Variants in KANSL1L observed in about 807,000 individuals in gnomAD.
The protein encoded by KANSL1L is KAT8 regulatory NSL complex subunit 1 like.
KANSL1L carries 25 observed loss-of-function variants against 108.6 expected under a neutral mutation model. The ratio of observed to expected loss-of-function variants is 0.23; its 90% confidence interval spans 0.17 to 0.32. The LOEUF (loss-of-function observed/expected upper bound fraction) is 0.32, where lower values mean the gene tolerates loss of function less well. KANSL1L is among the 10% of genes least tolerant of loss of function. KANSL1L has a pLI of 1.00. For synonymous variants in KANSL1L, 405 were observed against 395.1 expected (o/e 1.03, Z -0.30); for missense variants, 1,137 against 1,125.7 (o/e 1.01, Z -0.14).
At chr2:210,026,013 AT>A (rs1160747154) in intron 12 of KANSL1L, among the ~76,000 whole-genome samples, 1 of 152,224 alleles carries the variant, frequency 6.6e-6, no homozygotes, top group Non-Finnish European at 1.5e-5. Flanking sequence ...GAAGATGTTA[AT>A]ATCAGATAAA....
intron 2 of KANSL1L, among the ~76,000 whole-genome samples, chr2:210,138,390 A>G (rs2095194687): frequency 6.6e-6 from 1 of 152,148 alleles, no homozygotes; most frequent in Non-Finnish European, 1.5e-5. Flanking sequence ...GGACAATGGG[A>G]TCAATCAGAC....
intron 3 of KANSL1L, among the ~76,000 whole-genome samples, chr2:210,123,987 A>G (rs2095044227): frequency 6.6e-6 from 1 of 152,180 alleles, no homozygotes; most frequent in Non-Finnish European, 1.5e-5. Context: ...ATCTAATAAG[A>G]GACAATTAAA....
At chr2:210,038,091 TG>T (rs1482107502) in intron 8 of KANSL1L, among the ~76,000 whole-genome samples, 1 of 152,146 alleles carries the variant, frequency 6.6e-6, no homozygotes, top group Non-Finnish European at 1.5e-5. Context: ...TTTTTAAGGC[TG>T]TATATTCCAC....
intron 5 of KANSL1L, among the ~76,000 whole-genome samples, chr2:210,081,711 T>A (rs1337778350): frequency 6.6e-6 from 1 of 152,160 alleles, no homozygotes; most frequent in Non-Finnish European, 1.5e-5. Context: ...CATACACATA[T>A]GTTGTCAGGT....
intron 3 of KANSL1L, among the ~76,000 whole-genome samples, chr2:210,107,853 C>T (rs1459276215): frequency 6.6e-6 from 1 of 151,956 alleles, no homozygotes; most frequent in Non-Finnish European, 1.5e-5. Context: ...AAAATTTAAG[C>T]AAAGTTTAGA....
At chr2:210,120,279 C>A (rs182967147) in intron 3 of KANSL1L, among the ~76,000 whole-genome samples, 1 of 152,090 alleles carries the variant, frequency 6.6e-6, no homozygotes, top group African/African-American at 2.4e-5. Context: ...GTAGTCCCAG[C>A]GACTCAGGAG....
chr2:210,066,453 T>C (rs1407428573), intron 6 of KANSL1L, among the ~76,000 whole-genome samples: 1 of 152,270 alleles, frequency 6.6e-6, no homozygotes, highest in Non-Finnish European at 1.5e-5. Context: ...ATGTGCAGCA[T>C]GGGGCACATG....
At chr2:210,084,079 G>A (rs1458797438) in intron 5 of KANSL1L, among the ~76,000 whole-genome samples, 1 of 152,036 alleles carries the variant, frequency 6.6e-6, no homozygotes, top group East Asian at 1.9e-4. Flanking sequence ...AAGAAAATGT[G>A]TTGTAGTACA....
Position 210,090,676 on chromosome 2 carries a change from T to G in KANSL1L, c.1550+7410A>C, listed in dbSNP as rs2094685339. ...CTTCCTGAATAGCTGGGACTACAGG[T>G]GTGTACCACCATGCCCAGCTAATTT... On this transcript the variant is annotated intron_variant, in intron 5 of 14. Coordinates refer to ENST00000281772, the MANE Select transcript of KANSL1L (RefSeq NM_152519.4). 2.0e-5 allele frequency among the ~76,000 whole-genome samples: 3 copies of G among 151,960 alleles called. No homozygotes were observed. In the South Asian group the frequency reaches 6.2e-4, roughly 32 times the overall value.
chr2:210,110,619 CAG>C (rs1441653473), intron 3 of KANSL1L, among the ~76,000 whole-genome samples: 1 of 151,864 alleles, frequency 6.6e-6, no homozygotes, highest in Non-Finnish European at 1.5e-5. Flanking sequence ...CCTTGTGGTA[CAG>C]AGAGACAAAT....
chr2:210,093,032 C>T (rs982042868), intron 5 of KANSL1L, among the ~76,000 whole-genome samples: 4 of 152,152 alleles, frequency 2.6e-5, no homozygotes, highest in Admixed American at 6.5e-5. Context: ...TGTACCTTTA[C>T]TGTAATGGCA....
chr2:210,113,181 C>T (rs759288639), intron 3 of KANSL1L, among the ~76,000 whole-genome samples: 4 of 152,038 alleles, frequency 2.6e-5, no homozygotes, highest in Non-Finnish European at 5.9e-5. Context: ...AGAAGGCCTT[C>T]CTGGGGATTT....
At chr2:210,129,990 CA>C (rs11439121) in intron 2 of KANSL1L, among the ~76,000 whole-genome samples, 177 of 135,824 alleles carry the variant, frequency 1.3e-3, no homozygotes, top group African/African-American at 3.3e-3. Context: ...ATGCAGATTG[CA>C]AAAAAAAAAA....
intron 5 of KANSL1L, among the ~76,000 whole-genome samples, chr2:210,083,608 C>G (rs777378969): frequency 3.9e-5 from 6 of 151,922 alleles, no homozygotes; most frequent in Non-Finnish European, 7.4e-5. Context: ...TTGGGTGGAT[C>G]ACGAGGTTAG....
intron 4 of KANSL1L, among the ~76,000 whole-genome samples, chr2:210,099,418 G>T: frequency 6.6e-6 from 1 of 151,972 alleles, no homozygotes; most frequent in East Asian, 1.9e-4. Flanking sequence ...ATAAAATTAG[G>T]CCTAATATTT....
intron 8 of KANSL1L, chr2:210,032,657 C>A (rs1219904296): frequency 6.6e-6 from 1 of 152,198 alleles, no homozygotes; most frequent in Non-Finnish European, 1.5e-5. Context: ...TTTGAAATGT[C>A]CCGCCCATCC....
At chr2:210,079,678 A>ATATATATATATATGTG (rs2094573299) in intron 5 of KANSL1L, 2 of 29,306 alleles carry the variant, frequency 6.8e-5, no homozygotes, top group Admixed American at 7.1e-4. Context: ...ATGTGTGTAT[A>ATATATATATATATGTG]TATATATATA....
intron 1 of KANSL1L, among the ~76,000 whole-genome samples, chr2:210,162,745 C>CCA (rs1355110291): frequency 6.6e-6 from 1 of 151,812 alleles, no homozygotes; most frequent in Non-Finnish European, 1.5e-5. Context: ...AGGAGGAAAT[C>CCA]CAGAAGTGTA....
chr2:210,160,976 A>G (rs1245556178), intron 1 of KANSL1L, among the ~76,000 whole-genome samples: 3 of 151,320 alleles, frequency 2.0e-5, no homozygotes, highest in African/African-American at 7.3e-5. Context: ...ACCCACGCAC[A>G]TACGGCCAAT....
Sources: gnomAD v4.1 joint callset for allele counts (sites outside exome capture counted in the v4.1 genomes callset) on GRCh38, gnomAD v4.1.1 for gene constraint, MANE v1.5 for transcripts, NCBI Gene and HGNC (gene_info 2026-07-23, HGNC 2026-07-21) for gene names.